The following RBFOX1 variants were observed in gnomAD, a reference collection of about 807,000 sequenced individuals.
RBFOX1 encodes the protein RNA binding protein fox-1 homolog 1.
RBFOX1 carries 8 observed loss-of-function variants against 57.7 expected under a neutral mutation model. The ratio of observed to expected loss-of-function variants is 0.14; its 90% confidence interval spans 0.08 to 0.25. RBFOX1 has a LOEUF of 0.25. RBFOX1 is among the 10% of genes least tolerant of loss of function. The pLI is 1.00. For synonymous variants in RBFOX1, 326 were observed against 222.4 expected, an observed-to-expected ratio of 1.47 and a Z score of -4.15; for missense variants, 611 against 548.5, an observed-to-expected ratio of 1.11 and a Z score of -1.14.
At chr16:6,381,288 C>T (rs1435249567) in intron 2 of RBFOX1, among the ~76,000 whole-genome samples, 2 of 152,146 alleles carry the variant, frequency 1.3e-5, no homozygotes, top group Admixed American at 6.5e-5. Flanking sequence ...GAATAGTAAA[C>T]ATTGTACCCA....
intron 4 of RBFOX1, among the ~76,000 whole-genome samples, chr16:7,508,477 G>A (rs1229548957): frequency 6.6e-6 from 1 of 152,114 alleles, no homozygotes; most frequent in Non-Finnish European, 1.5e-5. Context: ...GGAGTCTTGT[G>A]AGACAGGGCC....
chr16:7,381,086 T>TA (rs1019483916), intron 4 of RBFOX1, among the ~76,000 whole-genome samples: 1 of 152,200 alleles, frequency 6.6e-6, no homozygotes, highest in African/African-American at 2.4e-5. Context: ...CTGGAGATGT[T>TA]ATGCGTCAAA....
At chr16:5,522,942 T>G (rs1028516141) in intron 2 of RBFOX1, among the ~76,000 whole-genome samples, 1 of 152,098 alleles carries the variant, frequency 6.6e-6, no homozygotes, top group Non-Finnish European at 1.5e-5. Context: ...CATCCATCCA[T>G]TGATGGACAC....
chr16:7,709,643 GA>G (rs1443400213), intron 15 of RBFOX1: 1 of 1,529,644 alleles, frequency 6.5e-7, no homozygotes, highest in Admixed American at 2.0e-5. Context: ...AGAAAATAGA[GA>G]GGGGCACACT....
intron 1 of RBFOX1, among the ~76,000 whole-genome samples, chr16:6,089,700 G>A (rs898823839): frequency 1.3e-5 from 2 of 152,152 alleles, no homozygotes; most frequent in Non-Finnish European, 2.9e-5. Context: ...GAGGCCTTGG[G>A]GATGTAGAAG....
chr16:6,939,303 C>A (rs1349297888), intron 3 of RBFOX1, among the ~76,000 whole-genome samples: 1 of 151,874 alleles, frequency 6.6e-6, no homozygotes, highest in African/African-American at 2.4e-5. Context: ...GCCAATTTTG[C>A]TTGAAATAAC....
Position 5,623,309 on chromosome 16 carries a change from G to C in RBFOX1, c.318+24348G>C, listed in dbSNP as rs6500706. The stretch of plus-strand genomic sequence containing the variant: ...AGGGCAGGGGTCCTCAAACTGAAGG[G>C]TGTGTAAGAATCACCTAGGCAGTTC... On this transcript the variant is annotated intron_variant, in intron 3 of 19. Transcript: ENST00000641259. 5.9e-3 allele frequency among the ~76,000 whole-genome samples: 905 copies of C among 152,234 alleles called. 9 individuals are homozygous for C. Among genetic ancestry groups the C allele is most frequent in the African/African-American group, 0.02 (812 of 41,532 alleles).
At chr16:5,969,325 G>GTTTTTTTTTTTTTTTTTTTTTTTTTTC (rs1392384342) in intron 4 of RBFOX1, among the ~76,000 whole-genome samples, 1 of 120,648 alleles carries the variant, frequency 8.3e-6, no homozygotes, top group Non-Finnish European at 1.6e-5. Flanking sequence ...TTTTTTTTTG[G>GTTTTTTTTTTTTTTTTTTTTTTTTTTC]TTTGGAAATG....
In RBFOX1 at chr16:7,676,792, C is replaced by T. The variant is rs2146426013; in HGVS notation, c.949C>T (p.Arg317Cys). ...GTTTTAGGGTGGTTATGCTGCATAC[C>T]GCTACGCCCAGCCTACCCCTGCCAC... ...ADIYGGYAAYRYAQPTPATAA... is the reference protein window; with the variant it reads ...ADIYGGYAAYCYAQPTPATAA... Residue 317 changes from arginine (R) to cysteine (C), a missense_variant, in exon 14 of 16, where the codon CGC (arginine) becomes TGC (cysteine). Physicochemically the swap from Arg to Cys is radical, Grantham distance 180. This residue lies in a region of RBFOX1 where 267 missense variants were observed against 229.1 expected (regional missense o/e 1.17). Coordinates refer to ENST00000550418, the MANE Select transcript of RBFOX1 (RefSeq NM_018723.4). 13 of 1,613,210 alleles carry T rather than the reference C, an allele frequency of 8.1e-6. No individual in the cohort carries two copies. Among genetic ancestry groups the T allele is most frequent in the Non-Finnish European group, 1.1e-5 (13 of 1,179,436 alleles).
intron 4 of RBFOX1, among the ~76,000 whole-genome samples, chr16:5,962,488 T>G (rs1214326070): frequency 6.6e-6 from 1 of 152,154 alleles, no homozygotes; most frequent in African/African-American, 2.4e-5. Flanking sequence ...TTTCTCCACC[T>G]TTTTTCTTCA....
chr16:6,248,388 C>A (rs2097581887), intron 1 of RBFOX1, among the ~76,000 whole-genome samples: 1 of 152,208 alleles, frequency 6.6e-6, no homozygotes, highest in African/African-American at 2.4e-5. Context: ...TGTATATACT[C>A]TTTGGACAGT....
At chr16:6,421,845 C>G (rs9929362) in intron 2 of RBFOX1, among the ~76,000 whole-genome samples, 14,881 of 148,938 alleles carry the variant, frequency 0.1, 1,484 homozygotes, top group African/African-American at 0.27. Context: ...GACCTCCCCC[C>G]TCCTCAGTCA....
chr16:7,349,235 A>C (rs1416122491), intron 4 of RBFOX1, among the ~76,000 whole-genome samples: 1 of 152,188 alleles, frequency 6.6e-6, no homozygotes, highest in Non-Finnish European at 1.5e-5. Flanking sequence ...TCTTCCTGGC[A>C]GCCTTCTATC....
chr16:7,189,183 T>C (rs2084686363), intron 4 of RBFOX1, among the ~76,000 whole-genome samples: 1 of 151,932 alleles, frequency 6.6e-6, no homozygotes, highest in Non-Finnish European at 1.5e-5. Context: ...CCCAGCACTT[T>C]GGGAGGCCGA....
intron 2 of RBFOX1, among the ~76,000 whole-genome samples, chr16:5,492,589 A>G (rs1377708672): frequency 6.6e-6 from 1 of 152,234 alleles, no homozygotes; most frequent in African/African-American, 2.4e-5. Context: ...GTGTGTACAA[A>G]GGTCCTGTGG....
intron 4 of RBFOX1, among the ~76,000 whole-genome samples, chr16:7,412,120 G>A (rs1365507887): frequency 6.6e-6 from 1 of 152,096 alleles, no homozygotes; most frequent in Non-Finnish European, 1.5e-5. Context: ...CATGTACCAT[G>A]CTACTGTAAG....
chr16:6,604,749 G>T (rs1213354509), intron 2 of RBFOX1, among the ~76,000 whole-genome samples: 2 of 152,070 alleles, frequency 1.3e-5, no homozygotes, highest in Non-Finnish European at 2.9e-5. Context: ...AATTCAATAG[G>T]AATATATGAT....
chr16:6,354,790 A>G (rs2086993462), intron 2 of RBFOX1, among the ~76,000 whole-genome samples: 1 of 152,174 alleles, frequency 6.6e-6, no homozygotes, highest in South Asian at 2.1e-4. Context: ...GTGTTTAACA[A>G]AAATTCATGG....
At chr16:5,672,336 G>A (rs1402335366) in intron 3 of RBFOX1, among the ~76,000 whole-genome samples, 1 of 152,102 alleles carries the variant, frequency 6.6e-6, no homozygotes, top group Non-Finnish European at 1.5e-5. Context: ...TGTCAGGAGG[G>A]CTCTTGACTT....
Sources: allele counts gnomAD v4.1 joint callset (sites outside exome capture counted in the v4.1 genomes callset), GRCh38; gene constraint gnomAD v4.1.1; regional missense constraint gnomAD v4.1.1; transcripts MANE v1.5; gene names NCBI Gene and HGNC (gene_info 2026-07-23, HGNC 2026-07-21).